The following MYH15 variants were observed in gnomAD, a reference collection of about 807,000 sequenced individuals.
MYH15 encodes myosin heavy chain 15.
In MYH15, 227 loss-of-function variants were observed where a neutral mutation model predicts 240.5. That is an observed-to-expected ratio of 0.94 (90% CI 0.85 to 1.05). The LOEUF (loss-of-function observed/expected upper bound fraction) is 1.05, where lower values mean the gene tolerates loss of function less well. Ranked by LOEUF, MYH15 falls within the 50% of genes least tolerant of loss-of-function variation. The pLI is 0.00. For synonymous variants in MYH15, 785 were observed against 796.7 expected, an observed-to-expected ratio of 0.99 and a Z score of 0.25; for missense variants, 2,217 against 2,247.5, an observed-to-expected ratio of 0.99 and a Z score of 0.27.
chr3:108,456,986 T>C (rs2083027596), intron 18 of MYH15, 103 bp from the exon 19 acceptor site: 7 of 808,864 alleles, frequency 8.7e-6, no homozygotes, highest in South Asian at 1.6e-5. Context: ...AAAGTCTGAA[T>C]TGGATAGTTT....
intron 31 of MYH15, 48 bp from the exon 32 acceptor site, chr3:108,408,452 C>A: frequency 6.4e-7 from 1 of 1,554,998 alleles, no homozygotes; most frequent in South Asian, 1.2e-5. Flanking sequence ...GGCTCAGTCT[C>A]AAACCAATGA....
the MYH15 span, among the ~76,000 whole-genome samples, chr3:108,540,065 G>T: frequency 1.3e-5 from 2 of 151,820 alleles, no homozygotes; most frequent in Admixed American, 1.3e-4. Flanking sequence ...GAACCTAAAA[G>T]CACACTAAAA....
Position 108,455,931 on chromosome 3 carries a change from A to G in MYH15, c.2139-72T>C, listed in dbSNP as rs918876755. 44 of 1,447,438 alleles carry G rather than the reference A, an allele frequency of 3.0e-5. No homozygotes were observed. The East Asian group carries it at 8.7e-4, about 29-fold the overall frequency. The allele number at this position is 1,447,438 out of a possible 1,614,324, so 89.7% of individuals were successfully genotyped here. ...TTCAAATAAAGACTAATCTAGACAA[A>G]TGAGGTGAAAGGAGACATAGATTTT... On this transcript the variant is annotated intron_variant, in intron 19 of 40. Transcript: ENST00000693548.
At chr3:108,513,419 G>A (rs1210899258), upstream of MYH15, among the ~76,000 whole-genome samples, 1 of 152,126 alleles carries the variant, frequency 6.6e-6, no homozygotes. Context: ...GAAAGGATAG[G>A]GCAGACGGGC....
At chr3:108,437,798 C>T in intron 24 of MYH15, 99 bp from the exon 25 acceptor site, 1 of 608,596 alleles carries the variant, frequency 1.6e-6, no homozygotes, top group Non-Finnish European at 2.6e-6. Flanking sequence ...AAGAAAGACA[C>T]AAGCACAAAT....
At chr3:108,464,870 A>C (rs1167913914) in intron 14 of MYH15, 56 bp from the exon 15 acceptor site, 1 of 1,463,332 alleles carries the variant, frequency 6.8e-7, no homozygotes, top group East Asian at 2.4e-5. Flanking sequence ...CACTTTCAGT[A>C]GGGGGTCAGT....
chr3:108,546,876 CAG>C, the MYH15 span, among the ~76,000 whole-genome samples: 1 of 152,056 alleles, frequency 6.6e-6, no homozygotes, highest in African/African-American at 2.4e-5. Flanking sequence ...GGAAGAAAGT[CAG>C]TTCGCTGCAA....
the MYH15 span, chr3:108,550,277 T>C: frequency 6.6e-6 from 1 of 151,464 alleles, no homozygotes; most frequent in African/African-American, 2.4e-5. Flanking sequence ...TAAAAACTAT[T>C]AGGACAACAA....
At chr3:108,393,039 G>T (rs1036533364) in intron 36 of MYH15, among the ~76,000 whole-genome samples, 10 of 152,290 alleles carry the variant, frequency 6.6e-5, no homozygotes, top group African/African-American at 2.4e-4. Context: ...GTTGGGATTT[G>T]GTGCAATGGT....
upstream of MYH15, among the ~76,000 whole-genome samples, chr3:108,530,600 G>A (rs2083704931): frequency 1.3e-5 from 2 of 152,146 alleles, no homozygotes; most frequent in African/African-American, 2.4e-5. Flanking sequence ...ATGTGTCAAC[G>A]TAGGTTCATC....
chr3:108,394,728 G>C (rs535787349), intron 35 of MYH15, among the ~76,000 whole-genome samples: 1 of 152,196 alleles, frequency 6.6e-6, no homozygotes, highest in African/African-American at 2.4e-5. Context: ...GATTCTTTGT[G>C]TTCTGTGGTT....
chr3:108,494,900 C>G (rs2083379495), intron 7 of MYH15, among the ~76,000 whole-genome samples: 2 of 152,010 alleles, frequency 1.3e-5, no homozygotes, highest in Admixed American at 1.3e-4. Context: ...TATTGCTCCC[C>G]TTTGCCTCCC....
chr3:108,381,352 G>T lies in MYH15; in HGVS notation c.*193C>A, dbSNP rs2082342046. The T allele has an allele frequency of 4.8e-6, 3 of 631,264 alleles. No homozygotes were observed. The highest frequency in any genetic ancestry group is 1.8e-5 in the African/African-American group (1 of 54,466). The allele number at this position is 631,264 out of a possible 1,614,324, so 39.1% of individuals were successfully genotyped here. A position where few individuals can be genotyped will look rare whatever the true frequency, so the allele number is the denominator to read the frequency against. ...AGAAGGTAGTTTACTTGCATTTGAG[G>T]ATCAAAAAATCCCCATTAACTGTGG... On this transcript the variant is annotated 3_prime_UTR_variant, in exon 41 of 41. Coordinates refer to ENST00000693548, the MANE Select transcript of MYH15 (RefSeq NM_014981.3).
upstream of MYH15, among the ~76,000 whole-genome samples, chr3:108,530,562 T>C (rs1372500919): frequency 6.6e-6 from 1 of 152,168 alleles, no homozygotes; most frequent in East Asian, 1.9e-4. Context: ...TGAACCCTAA[T>C]GTGAATTATG....
chr3:108,417,784 T>G (rs971830505), intron 28 of MYH15, among the ~76,000 whole-genome samples: 1 of 73,564 alleles, frequency 1.4e-5, no homozygotes, highest in South Asian at 6.0e-4. Context: ...CGTACAGGTA[T>G]GTATATATAT....
the MYH15 span, among the ~76,000 whole-genome samples, chr3:108,534,522 C>T: frequency 2.6e-5 from 4 of 151,970 alleles, no homozygotes; most frequent in Non-Finnish European, 4.4e-5. Context: ...AAAATAGTCT[C>T]ATAATTGTCT....
chr3:108,465,401 G>A (rs2083106315), intron 14 of MYH15, among the ~76,000 whole-genome samples: 1 of 152,220 alleles, frequency 6.6e-6, no homozygotes, highest in African/African-American at 2.4e-5. Context: ...AAGAGATAAT[G>A]TCAAAGGGGT....
rs764984388 is a variant in MYH15 at position 108,398,866 on chromosome 3, G to A, written c.4930-26C>T. ...CTGGGAGAGAAAAGATGGGTCTGGA[G>A]TACAGATCCCTCTGAGTTCAACATA... On this transcript the variant is annotated intron_variant, in intron 34 of 40. Coordinates refer to ENST00000693548, the MANE Select transcript of MYH15 (RefSeq NM_014981.3). 2.5e-6 allele frequency: 4 copies of A among 1,602,102 alleles called. No individual in the cohort carries two copies. In the African/African-American group the frequency reaches 5.4e-5, roughly 21 times the overall value.
chr3:108,392,496 G>A (rs973799987), intron 36 of MYH15, among the ~76,000 whole-genome samples: 1 of 152,154 alleles, frequency 6.6e-6, no homozygotes, highest in Non-Finnish European at 1.5e-5. Flanking sequence ...ACAAGGGCTT[G>A]GTGTCTCAAT....
Sources: allele counts gnomAD v4.1 joint callset (sites outside exome capture counted in the v4.1 genomes callset), GRCh38; gene constraint gnomAD v4.1.1; transcripts MANE v1.5; gene names NCBI Gene and HGNC (gene_info 2026-07-23, HGNC 2026-07-21).